PARD3: variants seen among roughly 807,000 people sequenced by gnomAD.
The protein encoded by PARD3 is partitioning defective 3 homolog.
PARD3 carries 75 observed loss-of-function variants against 155.4 expected under a neutral mutation model. The observed-to-expected ratio is 0.48, with a 90% confidence interval of 0.40 to 0.58. The LOEUF is 0.58. Ranked by LOEUF, PARD3 falls within the 20% of genes least tolerant of loss-of-function variation. The pLI is 0.00. For missense variants in PARD3, 1,642 were observed against 1,721.7 expected, an observed-to-expected ratio of 0.95 and a Z score of 0.82; for synonymous variants, 576 against 610.5, an observed-to-expected ratio of 0.94 and a Z score of 0.83.
At chr10:34,719,743 T>C (rs2094574787) in intron 1 of PARD3, among the ~76,000 whole-genome samples, 1 of 152,236 alleles carries the variant, frequency 6.6e-6, no homozygotes, top group African/African-American at 2.4e-5. Context: ...ATTTATGAAC[T>C]TTAAGTTCAA....
At chr10:34,545,564 C>A (rs2133922293) in intron 2 of PARD3, among the ~76,000 whole-genome samples, 1 of 152,164 alleles carries the variant, frequency 6.6e-6, no homozygotes, top group South Asian at 2.1e-4. Context: ...GACTTTATAT[C>A]CTTTTTTTGA....
intron 4 of PARD3, among the ~76,000 whole-genome samples, chr10:34,466,242 T>C (rs1328512941): frequency 1.3e-5 from 2 of 152,140 alleles, no homozygotes; most frequent in East Asian, 3.8e-4. Flanking sequence ...TTCAGAAGCC[T>C]ATGGGACCCT....
At chr10:34,490,513 A>G (rs932237838) in intron 3 of PARD3, among the ~76,000 whole-genome samples, 1 of 152,170 alleles carries the variant, frequency 6.6e-6, no homozygotes, top group Non-Finnish European at 1.5e-5. Flanking sequence ...CCCTTAATCT[A>G]TACATTCACA....
chr10:34,353,271 A>AGAAAAGGGGGAAATGTGGG (rs1838385490), intron 14 of PARD3, among the ~76,000 whole-genome samples: 1 of 152,222 alleles, frequency 6.6e-6, no homozygotes. Flanking sequence ...TTTGTCGAGT[A>AGAAAAGGGGGAAATGTGGG]GAAAAGGGGG....
intron 22 of PARD3, among the ~76,000 whole-genome samples, chr10:34,217,675 C>T (rs1952070166): frequency 6.6e-6 from 1 of 152,032 alleles, no homozygotes; most frequent in Admixed American, 6.6e-5. Flanking sequence ...AGTACAGAGG[C>T]AGTCATGCAT....
At chr10:34,532,121 G>A (rs899696572) in intron 2 of PARD3, among the ~76,000 whole-genome samples, 2 of 152,106 alleles carry the variant, frequency 1.3e-5, no homozygotes, top group African/African-American at 4.8e-5. Context: ...CACCACGTAT[G>A]CTCTGTGTAT....
chr10:34,633,259 C>T (rs896464072), intron 2 of PARD3, among the ~76,000 whole-genome samples: 1 of 151,662 alleles, frequency 6.6e-6, no homozygotes, highest in African/African-American at 2.4e-5. Context: ...AACAGAGCTC[C>T]AAAAAAAAGA....
intron 20 of PARD3, among the ~76,000 whole-genome samples, chr10:34,291,646 C>T (rs941627188): frequency 6.6e-6 from 1 of 152,160 alleles, no homozygotes. Flanking sequence ...AATTCATACC[C>T]AAGACACTTT....
chr10:34,183,590 T>G (rs1950358954), intron 22 of PARD3, among the ~76,000 whole-genome samples: 1 of 152,178 alleles, frequency 6.6e-6, no homozygotes, highest in Admixed American at 6.5e-5. Context: ...CATGGCCACC[T>G]GCGGATAACA....
chr10:34,647,590 T>G (rs1255110170), intron 2 of PARD3, among the ~76,000 whole-genome samples: 1 of 152,250 alleles, frequency 6.6e-6, no homozygotes, highest in Non-Finnish European at 1.5e-5. Flanking sequence ...TCTTTTAAGC[T>G]TTGCTGGGCT....
At chr10:34,813,832 GAATGC>G in intron 1 of PARD3, among the ~76,000 whole-genome samples, 1 of 152,144 alleles carries the variant, frequency 6.6e-6, no homozygotes, top group Non-Finnish European at 1.5e-5. Flanking sequence ...GCACCCAAAC[GAATGC>G]GCTCCCCACC....
chr10:34,251,844 T>C (rs1954328723), intron 22 of PARD3, among the ~76,000 whole-genome samples: 1 of 152,166 alleles, frequency 6.6e-6, no homozygotes, highest in South Asian at 2.1e-4. Context: ...CACACATACA[T>C]CCCATAAACT....
At chr10:34,797,588 G>C (rs924811790) in intron 1 of PARD3, among the ~76,000 whole-genome samples, 2 of 152,160 alleles carry the variant, frequency 1.3e-5, no homozygotes, top group Non-Finnish European at 2.9e-5. Flanking sequence ...AGCAACTCTT[G>C]CAAGAGAAGT....
intron 2 of PARD3, among the ~76,000 whole-genome samples, chr10:34,666,639 C>T (rs73269436): frequency 0.048 from 7,238 of 151,566 alleles, 532 homozygotes; most frequent in African/African-American, 0.16. Flanking sequence ...AGGGACAGGG[C>T]AGGCACACCT....
intron 22 of PARD3, among the ~76,000 whole-genome samples, chr10:34,173,777 C>G (rs188518584): frequency 8.5e-5 from 13 of 152,208 alleles, no homozygotes; most frequent in Non-Finnish European, 5.9e-5. Context: ...ACACCTGCTA[C>G]TGAATAAGCC....
intron 1 of PARD3, among the ~76,000 whole-genome samples, chr10:34,709,678 G>A (rs113362484): frequency 6.6e-6 from 1 of 152,056 alleles, no homozygotes; most frequent in Admixed American, 6.6e-5. Context: ...AGGACTCAGG[G>A]GCAGGAGCTG....
intron 19 of PARD3, among the ~76,000 whole-genome samples, chr10:34,322,919 A>G (rs1202128598): frequency 6.6e-6 from 1 of 152,224 alleles, no homozygotes; most frequent in Non-Finnish European, 1.5e-5. Flanking sequence ...GATGAAATGT[A>G]AAAATTCTAC....
intron 15 of PARD3, chr10:34,343,785 C>G: frequency 1.4e-5 from 14 of 984,232 alleles, no homozygotes; most frequent in Non-Finnish European, 1.6e-5. Flanking sequence ...GGTAAACTTT[C>G]CTCTATCTTC....
At chr10:34,680,768 G>C (rs2093799339) in intron 2 of PARD3, among the ~76,000 whole-genome samples, 1 of 146,812 alleles carries the variant, frequency 6.8e-6, no homozygotes, top group Non-Finnish European at 1.5e-5. Context: ...CTCACTCATA[G>C]GTGGGAATTG....
Sources: allele counts gnomAD v4.1 joint callset (sites outside exome capture counted in the v4.1 genomes callset), GRCh38; gene constraint gnomAD v4.1.1; transcripts MANE v1.5; gene names NCBI Gene and HGNC (gene_info 2026-07-23, HGNC 2026-07-21).